The following ZNF423 variants were observed in gnomAD, a reference collection of about 807,000 sequenced individuals.
The protein encoded by ZNF423 is zinc finger protein 423.
ZNF423 carries 12 observed loss-of-function variants against 95.8 expected under a neutral mutation model. The observed-to-expected ratio is 0.13, with a 90% confidence interval of 0.08 to 0.20. The LOEUF (loss-of-function observed/expected upper bound fraction) is 0.20, where lower values mean the gene tolerates loss of function less well. ZNF423 is among the 10% of genes least tolerant of loss of function. ZNF423 has a pLI of 1.00. For synonymous variants in ZNF423, 749 were observed against 711.9 expected, an observed-to-expected ratio of 1.05 and a Z score of -0.83; for missense variants, 1,316 against 1,737.1, an observed-to-expected ratio of 0.76 and a Z score of 4.31.
At chr16:49,528,832 C>T (rs549309474) in intron 5 of ZNF423, among the ~76,000 whole-genome samples, 5 of 152,100 alleles carry the variant, frequency 3.3e-5, no homozygotes, top group South Asian at 2.1e-4. Context: ...CACTCCTTTG[C>T]GTGCTGGTGA....
intron 3 of ZNF423, among the ~76,000 whole-genome samples, chr16:49,686,574 T>C (rs541115782): frequency 6.6e-6 from 1 of 152,158 alleles, no homozygotes; most frequent in African/African-American, 2.4e-5. Flanking sequence ...CCTCCCAGCC[T>C]TTCCTGCCAG....
Position 49,525,359 on chromosome 16 carries a change from T to C in ZNF423, c.3733+4A>G. 2.5e-6 allele frequency: 4 copies of C among 1,613,972 alleles called. No individual in the cohort carries two copies. The highest frequency in any genetic ancestry group is 2.5e-6 in the Non-Finnish European group (3 of 1,179,904). ...CCCTGAGGGGCACAAGCTGGGTACCTTACCTGTGAAACACACGGGGCATTT... is the reference window on the plus strand; with the variant it reads ...CCCTGAGGGGCACAAGCTGGGTACCCTACCTGTGAAACACACGGGGCATTT... On this transcript the variant is annotated splice_donor_region_variant and intron_variant, in intron 6 of 7. Transcript: ENST00000563137.
At chr16:49,677,369 GGTA>G (rs1470840829) in intron 3 of ZNF423, among the ~76,000 whole-genome samples, 1 of 25,062 alleles carries the variant, frequency 4.0e-5, no homozygotes, top group Non-Finnish European at 9.6e-5. Flanking sequence ...GGAAGGGGAG[GGTA>G]GGAGGGGAGG....
intron 3 of ZNF423, among the ~76,000 whole-genome samples, chr16:49,671,224 C>T (rs2030793266): frequency 6.6e-6 from 1 of 152,196 alleles, no homozygotes; most frequent in African/African-American, 2.4e-5. Context: ...TGCCCTCCAA[C>T]ACAAGGATGA....
intron 5 of ZNF423, among the ~76,000 whole-genome samples, chr16:49,624,394 T>C (rs1046091862): frequency 8.6e-5 from 13 of 151,776 alleles, no homozygotes; most frequent in African/African-American, 3.1e-4. Context: ...CTACTAAAAG[T>C]ACAAAAAAAT....
intron 2 of ZNF423, among the ~76,000 whole-genome samples, chr16:49,786,530 T>C (rs540259688): frequency 1.2e-4 from 18 of 152,308 alleles, no homozygotes; most frequent in South Asian, 8.3e-4. Flanking sequence ...CCCAGGGACA[T>C]TGGGGGCCTG....
At chr16:49,557,324 C>T (rs376182377) in intron 5 of ZNF423, among the ~76,000 whole-genome samples, 50 of 152,300 alleles carry the variant, frequency 3.3e-4, no homozygotes, top group African/African-American at 1.1e-3. Context: ...GGGCAGACGC[C>T]GCAGCCCCTG....
At chr16:49,618,392 T>A (rs1971948184) in intron 5 of ZNF423, among the ~76,000 whole-genome samples, 1 of 152,176 alleles carries the variant, frequency 6.6e-6, no homozygotes. Flanking sequence ...TCCCCATGTG[T>A]GGAGGGAGAG....
chr16:49,597,198 C>G (rs1971208941), intron 5 of ZNF423, among the ~76,000 whole-genome samples: 1 of 151,928 alleles, frequency 6.6e-6, no homozygotes, highest in Admixed American at 6.5e-5. Context: ...GCTCCTCTGG[C>G]CAGGGGAAGA....
chr16:49,718,376 A>T (rs1303814992), intron 3 of ZNF423, among the ~76,000 whole-genome samples: 1 of 152,208 alleles, frequency 6.6e-6, no homozygotes, highest in African/African-American at 2.4e-5. Flanking sequence ...ACTGCACTCC[A>T]GTCTGGGTGA....
chr16:49,496,112 G>A (rs1967156925), intron 7 of ZNF423, among the ~76,000 whole-genome samples: 1 of 152,222 alleles, frequency 6.6e-6, no homozygotes, highest in South Asian at 2.1e-4. Flanking sequence ...CACTGCCCTG[G>A]TGACCTCAAG....
intron 5 of ZNF423, among the ~76,000 whole-genome samples, chr16:49,602,369 A>C (rs1380597363): frequency 6.6e-6 from 1 of 152,130 alleles, no homozygotes; most frequent in Admixed American, 6.5e-5. Context: ...GCACTCGAAG[A>C]GTTTCACCGT....
At chr16:49,493,627 C>G (rs1192089147) in intron 7 of ZNF423, among the ~76,000 whole-genome samples, 1 of 152,204 alleles carries the variant, frequency 6.6e-6, no homozygotes, top group African/African-American at 2.4e-5. Context: ...GGAAGGGAGA[C>G]ATGGACAGCT....
chr16:49,577,523 G>C (rs1037522312), intron 5 of ZNF423, among the ~76,000 whole-genome samples: 1 of 152,040 alleles, frequency 6.6e-6, no homozygotes, highest in Non-Finnish European at 1.5e-5. Context: ...CAGAGAAAAG[G>C]AGGGCTGGGA....
chr16:49,769,560 C>T (rs896104183), intron 2 of ZNF423, among the ~76,000 whole-genome samples: 2 of 152,064 alleles, frequency 1.3e-5, no homozygotes, highest in Non-Finnish European at 2.9e-5. Context: ...CCTGATCACG[C>T]CACTGCCCTG....
intron 3 of ZNF423, among the ~76,000 whole-genome samples, chr16:49,716,250 C>T (rs1260243526): frequency 6.6e-6 from 1 of 152,118 alleles, no homozygotes; most frequent in African/African-American, 2.4e-5. Flanking sequence ...ACAACACACC[C>T]CACCAACCCT....
intron 7 of ZNF423, chr16:49,518,039 T>C (rs1968226437): frequency 8.8e-6 from 4 of 452,022 alleles, no homozygotes; most frequent in African/African-American, 2.0e-5. Flanking sequence ...CTGGTGATGA[T>C]ATTGGCGGCT....
At chr16:49,678,713 T>G (rs2031225271) in intron 3 of ZNF423, among the ~76,000 whole-genome samples, 1 of 152,194 alleles carries the variant, frequency 6.6e-6, no homozygotes, top group African/African-American at 2.4e-5. Context: ...TGACAGATGT[T>G]GGGTATGGCT....
intron 7 of ZNF423, among the ~76,000 whole-genome samples, chr16:49,511,207 C>T (rs2151681151): frequency 6.6e-6 from 1 of 152,338 alleles, no homozygotes; most frequent in South Asian, 2.1e-4. Flanking sequence ...AGGGAGAAGC[C>T]ATTGCTCACC....
Sources: allele counts gnomAD v4.1 joint callset (sites outside exome capture counted in the v4.1 genomes callset), GRCh38; gene constraint gnomAD v4.1.1; transcripts MANE v1.5; gene names NCBI Gene and HGNC (gene_info 2026-07-23, HGNC 2026-07-21).